MREG: variants seen among roughly 807,000 people sequenced by gnomAD.
MREG encodes the protein melanoregulin.
In MREG, 31 loss-of-function variants were observed where a neutral mutation model predicts 28.5. The observed-to-expected ratio is 1.09, with a 90% CI of 0.82 to 1.47. The LOEUF (loss-of-function observed/expected upper bound fraction) is 1.47, where lower values mean the gene tolerates loss of function less well. MREG is among the 40% of genes most tolerant of loss of function. The probability of loss-of-function intolerance (pLI) is 0.00; values close to 1 mark genes in which losing one functional copy is unlikely to be tolerated. For synonymous variants in MREG, 106 were observed against 95.2 expected (o/e 1.11, Z -0.66); for missense variants, 256 against 257.4 (o/e 0.99, Z 0.04).
At chr2:215,979,982 A>AAAAC (rs1553551041) in intron 2 of MREG, among the ~76,000 whole-genome samples, 3 of 142,190 alleles carry the variant, frequency 2.1e-5, no homozygotes, top group African/African-American at 8.5e-5. Context: ...AACAAACAAA[A>AAAAC]AAAAAAAACA....
At chr2:215,978,634 A>G (rs914326751) in intron 2 of MREG, among the ~76,000 whole-genome samples, 2 of 152,258 alleles carry the variant, frequency 1.3e-5, no homozygotes, top group Non-Finnish European at 2.9e-5. Context: ...AAAATTCTCA[A>G]TAAAATACTG....
Position 215,947,094 on chromosome 2 carries a change from T to C in MREG, c.275A>G (p.Tyr92Cys), listed in dbSNP as rs758816855. ...KDSEEWQKLN[Y>C]DIHTLRQVRR... ...AACCTGCCGCAGGGTATGGATATCA[T>C]AGTTGAGCTTCTGCCACTCCTGCAG... is the stretch of plus-strand genomic sequence containing the variant. The change falls in exon 3 of 5, where the codon TAT becomes TGT. Residue 92 changes from tyrosine to cysteine, a missense_variant. By Grantham distance (194) the Tyr-to-Cys change is radical. Coordinates refer to ENST00000263268, the MANE Select transcript of MREG (RefSeq NM_018000.3). 1.2e-6 allele frequency: 2 copies of C among 1,612,532 alleles called. No individual in the cohort carries two copies. Among genetic ancestry groups the C allele is most frequent in the Admixed American group, 1.7e-5 (1 of 59,966 alleles).
chr2:215,988,484 G>A lies in MREG; in HGVS notation c.255+7822C>T, dbSNP rs541389513. ...CGAAGTGGCCGGTTCACCAGACACC[G>A]AGCTAGCTACAAGAGTTTTTTTTCA... On this transcript the variant is annotated intron_variant, in intron 2 of 4. Transcript: ENST00000263268. Among the ~76,000 whole-genome samples the A allele has an allele frequency of 3.1e-4, 47 of 152,292 alleles. No individual in the cohort carries two copies. In the East Asian group the frequency reaches 7.3e-3, roughly 24 times the overall value.
chr2:215,973,572 G>A (rs1693162598), intron 2 of MREG, among the ~76,000 whole-genome samples: 2 of 152,136 alleles, frequency 1.3e-5, no homozygotes, highest in African/African-American at 2.4e-5. Flanking sequence ...ATGGATAAAC[G>A]CAGGTCCCTG....
intron 1 of MREG, among the ~76,000 whole-genome samples, chr2:216,009,584 C>T (rs921824181): frequency 6.6e-6 from 1 of 152,182 alleles, no homozygotes; most frequent in Non-Finnish European, 1.5e-5. Flanking sequence ...TTAAAGGTGA[C>T]TGCAGCTGTG....
At chr2:216,020,824 A>C (rs1694509102) in intron 1 of MREG, among the ~76,000 whole-genome samples, 1 of 152,228 alleles carries the variant, frequency 6.6e-6, no homozygotes, top group Non-Finnish European at 1.5e-5. Flanking sequence ...AAGCCCCGCA[A>C]AACACACTAC....
At chr2:215,999,901 C>T (rs1432592514) in intron 1 of MREG, among the ~76,000 whole-genome samples, 1 of 152,154 alleles carries the variant, frequency 6.6e-6, no homozygotes, top group Non-Finnish European at 1.5e-5. Context: ...CAATACGCAG[C>T]ATTTCATGGC....
chr2:216,018,239 G>A (rs1175991472), upstream of MREG, among the ~76,000 whole-genome samples: 3 of 152,182 alleles, frequency 2.0e-5, no homozygotes, highest in African/African-American at 7.2e-5. Context: ...CATAGCATGA[G>A]CTGGTATCAT....
chr2:216,031,673 A>AAG (rs72139324), intron 1 of MREG, among the ~76,000 whole-genome samples: 9 of 121,270 alleles, frequency 7.4e-5, no homozygotes, highest in African/African-American at 2.1e-4. Context: ...GAAAGAAAGA[A>AAG]AGAAAGAAAG....
chr2:216,002,861 CTTTG>C (rs1402232745), intron 1 of MREG, among the ~76,000 whole-genome samples: 2 of 94,032 alleles, frequency 2.1e-5, no homozygotes, highest in East Asian at 3.6e-4. Context: ...CCTCCCCTTT[CTTTG>C]TTTTTCTCTC....
In MREG at chr2:216,013,288, A is replaced by G. The variant is rs1694364015; in HGVS notation, c.40T>C (p.Cys14Arg). ...RDWLRTVCCC[C>R]GCECLEERAL... Reference sequence around the variant, plus strand: ...CGCTCCTCCAAGCACTCGCACCCGCAGCAGCAGCACACGGTTCTCAGCCAG... The same window carrying G: ...CGCTCCTCCAAGCACTCGCACCCGCGGCAGCAGCACACGGTTCTCAGCCAG... Residue 14 changes from cysteine (C) to arginine (R), a missense_variant, in exon 1 of 5, where the codon TGC becomes CGC. Transcript: ENST00000263268. The G allele has an allele frequency of 2.6e-6, 4 of 1,541,200 alleles. No individual in the cohort carries two copies. The Middle Eastern group carries it at 5.0e-4, about 194-fold the overall frequency.
At chr2:215,941,788 G>A (rs1692200366), downstream of MREG, 1 of 152,176 alleles carries the variant, frequency 6.6e-6, no homozygotes, top group African/African-American at 2.4e-5. Flanking sequence ...TGCTCCTAAA[G>A]ATGGCATGTT....
chr2:215,962,111 CT>C (rs1323029344), intron 2 of MREG, among the ~76,000 whole-genome samples: 9 of 152,184 alleles, frequency 5.9e-5, no homozygotes, highest in South Asian at 2.1e-4. Context: ...CTGAGTAATG[CT>C]TTTCCAATTC....
chr2:215,956,244 C>A (rs1692625368), intron 2 of MREG, among the ~76,000 whole-genome samples: 1 of 152,122 alleles, frequency 6.6e-6, no homozygotes, highest in African/African-American at 2.4e-5. Flanking sequence ...CAAATCTACC[C>A]AAAATGTGGC....
chr2:215,960,592 T>A (rs2105979182), intron 2 of MREG, among the ~76,000 whole-genome samples: 1 of 152,114 alleles, frequency 6.6e-6, no homozygotes, highest in South Asian at 2.1e-4. Flanking sequence ...TCCCAGCACT[T>A]TGGGAGGCTG....
intron 1 of MREG, among the ~76,000 whole-genome samples, chr2:215,999,631 G>A (rs1693960676): frequency 6.6e-6 from 1 of 152,224 alleles, no homozygotes; most frequent in Non-Finnish European, 1.5e-5. Context: ...CTGAAATTAT[G>A]ATTGAGATAA....
chr2:216,009,237 T>C (rs1207088464), intron 1 of MREG, among the ~76,000 whole-genome samples: 1 of 152,124 alleles, frequency 6.6e-6, no homozygotes, highest in Admixed American at 6.6e-5. Flanking sequence ...CAACACCCTA[T>C]ATCTCAGGTT....
upstream of MREG, among the ~76,000 whole-genome samples, chr2:216,016,021 G>A (rs1286560666): frequency 2.0e-5 from 3 of 152,132 alleles, no homozygotes; most frequent in Admixed American, 6.5e-5. Flanking sequence ...GAGGCTGAAG[G>A]GACTTATCAA....
chr2:216,033,363 G>A (rs1331655771), upstream of MREG, among the ~76,000 whole-genome samples: 5 of 151,986 alleles, frequency 3.3e-5, no homozygotes, highest in African/African-American at 4.8e-5. Context: ...AAATTCCTCC[G>A]CTGTCTCAAT....
Sources: allele counts gnomAD v4.1 joint callset (sites outside exome capture counted in the v4.1 genomes callset), GRCh38; gene constraint gnomAD v4.1.1; transcripts MANE v1.5; gene names NCBI Gene and HGNC (gene_info 2026-07-23, HGNC 2026-07-21).